The following ICA1L variants were observed in gnomAD, a reference collection of about 807,000 sequenced individuals.
The protein encoded by ICA1L is islet cell autoantigen 1 like, also known as islet cell autoantigen 1-like protein.
In ICA1L, 50 loss-of-function variants were observed where a neutral mutation model predicts 61.3. That is an observed-to-expected ratio of 0.82 (90% CI 0.65 to 1.03). The LOEUF (loss-of-function observed/expected upper bound fraction) is 1.03, where lower values mean the gene tolerates loss of function less well. Ranked by LOEUF, ICA1L falls within the 50% of genes least tolerant of loss-of-function variation. ICA1L has a pLI of 0.00. For synonymous variants in ICA1L, 161 were observed against 191.3 expected (o/e 0.84, Z 1.31); for missense variants, 508 against 556.7 (o/e 0.91, Z 0.88).
intron 2 of ICA1L, among the ~76,000 whole-genome samples, chr2:202,826,827 C>T (rs1693857326): frequency 6.6e-6 from 1 of 151,782 alleles, no homozygotes; most frequent in South Asian, 2.1e-4. Flanking sequence ...TCAAGAAGAC[C>T]TTGGTACTGC....
intron 1 of ICA1L, among the ~76,000 whole-genome samples, chr2:202,842,789 T>C (rs750728936): frequency 6.6e-6 from 1 of 152,214 alleles, no homozygotes; most frequent in Non-Finnish European, 1.5e-5. Flanking sequence ...ACTAGGATAT[T>C]TGCTCTTTTG....
intron 1 of ICA1L, among the ~76,000 whole-genome samples, chr2:202,843,135 T>A (rs1694375084): frequency 6.6e-6 from 1 of 152,222 alleles, no homozygotes; most frequent in Non-Finnish European, 1.5e-5. Context: ...TATATGTCCA[T>A]TTCTTTGGGG....
At chr2:202,845,542 A>G (rs569923729) in intron 1 of ICA1L, among the ~76,000 whole-genome samples, 10 of 151,894 alleles carry the variant, frequency 6.6e-5, no homozygotes, top group Admixed American at 6.6e-4. Flanking sequence ...CAGAAGAATC[A>G]CTTGAACCCG....
chr2:202,850,758 G>A (rs993840662), intron 1 of ICA1L, among the ~76,000 whole-genome samples: 1 of 152,172 alleles, frequency 6.6e-6, no homozygotes, highest in Non-Finnish European at 1.5e-5. Flanking sequence ...AGCAAGAAAG[G>A]TTGACATTCA....
At chr2:202,830,887 ACTT>A (rs1265129897) in intron 1 of ICA1L, among the ~76,000 whole-genome samples, 3 of 152,210 alleles carry the variant, frequency 2.0e-5, no homozygotes, top group Non-Finnish European at 4.4e-5. Context: ...ATAGATGCAA[ACTT>A]CTTTTTAAAT....
At chr2:202,818,946 C>T (rs750583023) in intron 5 of ICA1L, among the ~76,000 whole-genome samples, 9 of 152,210 alleles carry the variant, frequency 5.9e-5, no homozygotes, top group Non-Finnish European at 1.0e-4. Flanking sequence ...TTAGTGCATT[C>T]GCAATGTTGT....
At chr2:202,843,759 T>C (rs1365027223) in intron 1 of ICA1L, among the ~76,000 whole-genome samples, 1 of 152,212 alleles carries the variant, frequency 6.6e-6, no homozygotes, top group Non-Finnish European at 1.5e-5. Flanking sequence ...AGCTCTAGGA[T>C]TGGGGTAAAG....
At chr2:202,866,268 C>T (rs1454701795) in intron 1 of ICA1L, among the ~76,000 whole-genome samples, 1 of 152,136 alleles carries the variant, frequency 6.6e-6, no homozygotes, top group African/African-American at 2.4e-5. Context: ...CATGTGAGAG[C>T]TGGCTGTTTA....
At chr2:202,795,073 CTTTTTTTTTTTTT>C (rs59752090) in intron 10 of ICA1L, among the ~76,000 whole-genome samples, 1 of 97,074 alleles carries the variant, frequency 1.0e-5, no homozygotes, top group Non-Finnish European at 2.0e-5. Flanking sequence ...GTTTCCTTTT[CTTTTTTTTTTTTT>C]TTTTTTTTGA....
At chr2:202,787,935 C>T (rs1229980544) in intron 11 of ICA1L, among the ~76,000 whole-genome samples, 13 of 152,184 alleles carry the variant, frequency 8.5e-5, no homozygotes, top group Non-Finnish European at 1.6e-4. Flanking sequence ...ATCTAATACT[C>T]AGGCCCACGT....
chr2:202,851,195 T>C (rs898954312), intron 1 of ICA1L, among the ~76,000 whole-genome samples: 3 of 145,490 alleles, frequency 2.1e-5, no homozygotes, highest in African/African-American at 7.6e-5. Flanking sequence ...CAGTGTGTAA[T>C]GTTCCCCTTC....
intron 1 of ICA1L, chr2:202,869,530 G>A (rs976336712): frequency 6.6e-6 from 1 of 152,130 alleles, no homozygotes; most frequent in African/African-American, 2.4e-5. Context: ...TCATGATGTT[G>A]AGTACCTGAT....
intron 1 of ICA1L, among the ~76,000 whole-genome samples, chr2:202,840,135 C>A (rs1469723825): frequency 1.6e-5 from 2 of 122,200 alleles, no homozygotes; most frequent in Admixed American, 9.5e-5. Flanking sequence ...AAAAAAAAAG[C>A]GATTGAATTG....
intron 9 of ICA1L, among the ~76,000 whole-genome samples, chr2:202,801,648 G>C (rs1057385654): frequency 3.9e-5 from 6 of 152,208 alleles, no homozygotes; most frequent in African/African-American, 1.4e-4. Context: ...TGCTGGACTT[G>C]TTAGAAGTAA....
chr2:202,859,312 A>C (rs1694849482), intron 1 of ICA1L, among the ~76,000 whole-genome samples: 1 of 152,266 alleles, frequency 6.6e-6, no homozygotes, highest in Non-Finnish European at 1.5e-5. Flanking sequence ...TGTTTAGCCA[A>C]ACATGATTTG....
At chr2:202,853,690 A>C (rs934053261) in intron 1 of ICA1L, among the ~76,000 whole-genome samples, 1 of 152,172 alleles carries the variant, frequency 6.6e-6, no homozygotes, top group Non-Finnish European at 1.5e-5. Flanking sequence ...AAAAGTGGGC[A>C]AAGAATATGA....
intron 1 of ICA1L, chr2:202,841,721 G>T: frequency 2.0e-6 from 1 of 510,240 alleles, no homozygotes; most frequent in East Asian, 5.3e-5. Context: ...GAAGGCCTGG[G>T]GGCCAGAGGA....
intron 10 of ICA1L, among the ~76,000 whole-genome samples, chr2:202,794,669 C>A (rs575586931): frequency 1.3e-5 from 2 of 151,584 alleles, no homozygotes; most frequent in Non-Finnish European, 2.9e-5. Flanking sequence ...AACTAACATG[C>A]GAAAGTGAAT....
chr2:202,819,594 T>C (rs1693638275), intron 5 of ICA1L, 107 bp downstream of exon 5: 1 of 879,410 alleles, frequency 1.1e-6, no homozygotes, highest in Non-Finnish European at 1.8e-6. Context: ...GAATGTATAA[T>C]GAAACATATA....
Sources: gnomAD v4.1 joint callset for allele counts (sites outside exome capture counted in the v4.1 genomes callset) on GRCh38, gnomAD v4.1.1 for gene constraint, MANE v1.5 for transcripts, NCBI Gene and HGNC (gene_info 2026-07-23, HGNC 2026-07-21) for gene names.